SLC14A2: variants seen among roughly 807,000 people sequenced by gnomAD.
The protein encoded by SLC14A2 is solute carrier family 14 member 2, also known as urea transporter 2.
In SLC14A2, 91 loss-of-function variants were observed where a neutral mutation model predicts 104.6. The observed-to-expected ratio is 0.87, with a 90% CI of 0.73 to 1.04. The LOEUF is 1.04. SLC14A2 is among the 50% of genes least tolerant of loss of function. The pLI, the probability that SLC14A2 is intolerant of heterozygous loss-of-function variation, is 0.00. For synonymous variants in SLC14A2, 476 were observed against 466.4 expected, an observed-to-expected ratio of 1.02 and a Z score of -0.27; for missense variants, 1,189 against 1,156.0, an observed-to-expected ratio of 1.03 and a Z score of -0.41.
Position 45,376,212 on chromosome 18 carries a change from G to A in SLC14A2, c.-124-107021G>A, listed in dbSNP as rs754945017. Among the ~76,000 whole-genome samples the A allele has an allele frequency of 6.6e-5, 10 of 152,208 alleles. No homozygotes were observed. In the South Asian group the frequency reaches 8.3e-4, roughly 13 times the overall value. The stretch of plus-strand genomic sequence containing the variant: ...TCTCTTCCTGCTCTAGTTTGTGCAC[G>A]CCGCCACTTTACTTTGCACAATTTG... On this transcript the variant is annotated intron_variant, in intron 1 of 20. Coordinates refer to the SLC14A2 transcript ENST00000586448.
chr18:45,465,043 A>G (rs1047179899), intron 1 of SLC14A2, among the ~76,000 whole-genome samples: 20 of 152,180 alleles, frequency 1.3e-4, no homozygotes, highest in Non-Finnish European at 2.5e-4. Context: ...AGAGACAGAA[A>G]CAGACAATGG....
intron 2 of SLC14A2, among the ~76,000 whole-genome samples, chr18:45,501,633 C>A (rs2043200754): frequency 6.6e-6 from 1 of 152,062 alleles, no homozygotes; most frequent in Non-Finnish European, 1.5e-5. Context: ...GGACACTGGG[C>A]AAGGATAAAG....
rs552293348 is a variant in SLC14A2, at chr18:45,659,991, T to C, written c.1352-3794T>C. ...AAAAAAAAAAAAGAAAGAAAAGCCA[T>C]GCATGGTGAGGCATGCTTGTAGTCC... On this transcript the variant is annotated intron_variant, in intron 10 of 19. Transcript: ENST00000255226. Among the ~76,000 whole-genome samples, 5 of 149,710 alleles carry C rather than the reference T, an allele frequency of 3.3e-5. No individual in the cohort carries two copies. In the South Asian group the frequency reaches 8.5e-4, roughly 25 times the overall value.
chr18:45,603,378 A>G (rs1263276444), intron 2 of SLC14A2, among the ~76,000 whole-genome samples: 1 of 152,022 alleles, frequency 6.6e-6, no homozygotes, highest in Non-Finnish European at 1.5e-5. Flanking sequence ...TCCTAGATTA[A>G]CCATTGACAA....
In SLC14A2 at chr18:45,598,624, T is replaced by C. The variant is rs145474822; in HGVS notation, c.-34-26007T>C. 5.1e-3 allele frequency among the ~76,000 whole-genome samples: 780 copies of C among 152,344 alleles called. 8 individuals are homozygous for C. Among genetic ancestry groups the C allele is most frequent in the African/African-American group, 0.018 (732 of 41,572 alleles). On this transcript the variant is annotated intron_variant, in intron 2 of 20. Transcript: ENST00000586448. ...ATTTTTATGGGCCCCTAAAAATATC[T>C]TGGGCTATAGGCATTGTGCCTCCTG...
chr18:45,643,958 C>A (rs200455113), intron 9 of SLC14A2, 28 bp from the exon 10 acceptor site: 232 of 1,606,244 alleles, frequency 1.4e-4, no homozygotes, highest in Non-Finnish European at 1.9e-4. Context: ...TAGGAAACTT[C>A]TTCAGTCCCC....
chr18:45,198,784 C>T, the SLC14A2 span, among the ~76,000 whole-genome samples: 4 of 152,044 alleles, frequency 2.6e-5, no homozygotes, highest in African/African-American at 7.2e-5. Context: ...TACCTCATAT[C>T]CCTTAGATCT....
At chr18:45,527,473 G>A (rs1312698496) in intron 2 of SLC14A2, among the ~76,000 whole-genome samples, 1 of 152,182 alleles carries the variant, frequency 6.6e-6, no homozygotes, top group Non-Finnish European at 1.5e-5. Context: ...CTTAAAGTTA[G>A]CAATAGCAAT....
chr18:45,281,554 A>T (rs2084762731), intron 1 of SLC14A2, among the ~76,000 whole-genome samples: 1 of 152,224 alleles, frequency 6.6e-6, no homozygotes, highest in African/African-American at 2.4e-5. Context: ...TCCAATCCAA[A>T]TTTCATTTTC....
At chr18:45,361,774 A>AT (rs1239774474) in intron 1 of SLC14A2, among the ~76,000 whole-genome samples, 12 of 151,468 alleles carry the variant, frequency 7.9e-5, no homozygotes, top group African/African-American at 2.4e-4. Flanking sequence ...TTCAGGTAAG[A>AT]TTTTGCTTGA....
intron 1 of SLC14A2, among the ~76,000 whole-genome samples, chr18:45,345,650 C>T (rs1482585263): frequency 1.3e-5 from 2 of 152,168 alleles, no homozygotes; most frequent in Non-Finnish European, 2.9e-5. Flanking sequence ...CATTCCACAG[C>T]TTATTTATCC....
intron 2 of SLC14A2, among the ~76,000 whole-genome samples, chr18:45,571,933 C>A (rs775464927): frequency 7.2e-5 from 11 of 152,190 alleles, no homozygotes; most frequent in Non-Finnish European, 1.6e-4. Flanking sequence ...GGCAGTGGTT[C>A]ACTCCCTGGC....
the SLC14A2 span, among the ~76,000 whole-genome samples, chr18:45,205,082 C>A: frequency 6.6e-6 from 1 of 152,184 alleles, no homozygotes; most frequent in African/African-American, 2.4e-5. Flanking sequence ...GAACTTGGAG[C>A]TTCCACTTGG....
chr18:45,573,168 C>A (rs113318978), intron 2 of SLC14A2, among the ~76,000 whole-genome samples: 7 of 152,306 alleles, frequency 4.6e-5, no homozygotes, highest in Middle Eastern at 3.4e-3. Context: ...TTTTAGCATG[C>A]ATCAGAATCA....
At position 45,519,284 on chromosome 18, in the gene SLC14A2, G is replaced by T. The variant is rs145896314; in HGVS notation, c.-35+35962G>T. ...AACCCATGAAGGCAACAGAAGGCAAGGTGGGGTGTGGAAGGAAAAAAATAT... is the reference window on the plus strand; with the variant it reads ...AACCCATGAAGGCAACAGAAGGCAATGTGGGGTGTGGAAGGAAAAAAATAT... On this transcript the variant is annotated intron_variant, in intron 2 of 20. Coordinates refer to the SLC14A2 transcript ENST00000586448. Among the ~76,000 whole-genome samples the T allele has an allele frequency of 7.2e-5, 11 of 152,336 alleles. No homozygotes were observed. In the East Asian group the frequency reaches 2.1e-3, roughly 29 times the overall value.
At chr18:45,337,509 A>G (rs2144273668) in intron 1 of SLC14A2, among the ~76,000 whole-genome samples, 1 of 152,272 alleles carries the variant, frequency 6.6e-6, no homozygotes, top group South Asian at 2.1e-4. Flanking sequence ...TTCCTCAACC[A>G]ACTGACTAGA....
intron 6 of SLC14A2, among the ~76,000 whole-genome samples, chr18:45,639,007 C>T (rs1361513485): frequency 6.6e-6 from 1 of 152,228 alleles, no homozygotes; most frequent in African/African-American, 2.4e-5. Context: ...CACTGCCAAA[C>T]AAATTCTCCC....
At chr18:45,182,864 G>A in the SLC14A2 span, among the ~76,000 whole-genome samples, 1 of 152,018 alleles carries the variant, frequency 6.6e-6, no homozygotes, top group Non-Finnish European at 1.5e-5. Context: ...GTAATTTATA[G>A]GTTAATTCAA....
At chr18:45,472,814 C>T (rs947912562) in intron 1 of SLC14A2, among the ~76,000 whole-genome samples, 79 of 152,120 alleles carry the variant, frequency 5.2e-4, no homozygotes, top group Non-Finnish European at 1.9e-4. Flanking sequence ...AATTTTCTTC[C>T]ATTCTGCAGG....
Sources: allele counts gnomAD v4.1 joint callset (sites outside exome capture counted in the v4.1 genomes callset), GRCh38; gene constraint gnomAD v4.1.1; transcripts MANE v1.5; gene names NCBI Gene and HGNC (gene_info 2026-07-23, HGNC 2026-07-21).